The following PUDP variants were observed in gnomAD, a reference collection of about 807,000 sequenced individuals.
PUDP encodes the protein pseudouridine 5'-phosphatase.
In PUDP, 8 loss-of-function variants were observed where a neutral mutation model predicts 9.4. The ratio of observed to expected loss-of-function variants is 0.85; its 90% CI spans 0.50 to 1.53. The LOEUF (loss-of-function observed/expected upper bound fraction) is 1.53, where lower values mean the gene tolerates loss of function less well. Among genes scored for constraint, PUDP ranks in the 40% most tolerant of loss-of-function variants. The pLI is 0.00. For synonymous variants in PUDP, 99 were observed against 80.7 expected, an observed-to-expected ratio of 1.23 and a Z score of -1.22; for missense variants, 188 against 189.7, an observed-to-expected ratio of 0.99 and a Z score of 0.05.
At chrX:6,842,074 ACG>A (rs1241226941) in intron 3 of PUDP, among the ~76,000 whole-genome samples, 1 of 111,859 alleles carries the variant, frequency 8.9e-6, no homozygotes, top group Non-Finnish European at 1.9e-5. Context: ...TGGAAGAGAC[ACG>A]ATAGGACATT....
intron 3 of PUDP, among the ~76,000 whole-genome samples, chrX:6,826,206 T>A (rs920869747): frequency 3.6e-5 from 4 of 112,198 alleles, no homozygotes; most frequent in Non-Finnish European, 7.5e-5. Flanking sequence ...ATTTTCTAAG[T>A]ATTTTTAAAT....
chrX:7,100,836 G>C (rs1034268757), intron 2 of PUDP, among the ~76,000 whole-genome samples: 1 of 112,167 alleles, frequency 8.9e-6, no homozygotes, highest in African/African-American at 3.2e-5. Context: ...ACACATTTCT[G>C]GATTGGAATT....
At chrX:6,949,031 T>A (rs1030599728) in intron 3 of PUDP, among the ~76,000 whole-genome samples, 22 of 112,288 alleles carry the variant, frequency 2.0e-4, no homozygotes, top group Non-Finnish European at 3.8e-4. Flanking sequence ...TCAGAGATGG[T>A]GACACATTAG....
chrX:7,014,102 C>T (rs1929515469), intron 1 of PUDP, among the ~76,000 whole-genome samples: 1 of 110,474 alleles, frequency 9.1e-6, no homozygotes, highest in African/African-American at 3.3e-5. Context: ...CCTCTGACCA[C>T]CCCCAGTTTA....
intron 3 of PUDP, among the ~76,000 whole-genome samples, chrX:6,734,247 C>G (rs748958884): frequency 6.4e-4 from 71 of 111,529 alleles, no homozygotes; most frequent in African/African-American, 2.1e-3. Context: ...TTCAGCTAGA[C>G]AGGAGGAATA....
chrX:7,010,497 A>G (rs148573213), intron 1 of PUDP, among the ~76,000 whole-genome samples: 1 of 112,044 alleles, frequency 8.9e-6, no homozygotes, highest in Admixed American at 9.5e-5. Flanking sequence ...CTGGTCTGTC[A>G]GCAGATGTGC....
At chrX:6,816,737 C>T (rs1445011949) in intron 3 of PUDP, among the ~76,000 whole-genome samples, 1 of 95,578 alleles carries the variant, frequency 1.0e-5, no homozygotes, top group African/African-American at 3.8e-5. Flanking sequence ...TATATACACA[C>T]ATAGTATATA....
chrX:6,783,142 C>A (rs1292840028), intron 3 of PUDP, among the ~76,000 whole-genome samples: 2 of 111,518 alleles, frequency 1.8e-5, no homozygotes, highest in African/African-American at 6.5e-5. Context: ...TTGGGAGTGT[C>A]CAATATCCCT....
chrX:6,724,501 CAA>C (rs1170392595), upstream of PUDP, among the ~76,000 whole-genome samples: 9 of 45,441 alleles, frequency 2.0e-4, no homozygotes, highest in Admixed American at 2.9e-4. Flanking sequence ...ATTCTCTCTC[CAA>C]AAAAAAAAAA....
At chrX:6,825,174 G>A (rs1926405523) in intron 3 of PUDP, among the ~76,000 whole-genome samples, 3 of 111,447 alleles carry the variant, frequency 2.7e-5, no homozygotes, top group Admixed American at 9.6e-5. Context: ...TGCACATAAC[G>A]TTTTAGGATC....
chrX:7,020,475 A>G (rs1162711329), intron 1 of PUDP, among the ~76,000 whole-genome samples: 7 of 110,722 alleles, frequency 6.3e-5, no homozygotes, highest in Non-Finnish European at 1.3e-4. Flanking sequence ...TGGCTGCTCA[A>G]ACTTATTATC....
At chrX:7,036,536 A>G (rs1379814203) in intron 1 of PUDP, among the ~76,000 whole-genome samples, 1 of 99,715 alleles carries the variant, frequency 1.0e-5, no homozygotes, top group Non-Finnish European at 2.0e-5. Flanking sequence ...ACCCCCTCCC[A>G]TCCCCCTCTT....
chrX:6,803,060 T>TATAAA (rs374121914), intron 3 of PUDP, among the ~76,000 whole-genome samples: 1,641 of 7,551 alleles, frequency 0.22, 129 homozygotes, highest in Middle Eastern at 0.4. Context: ...TAAAATAAAA[T>TATAAA]ATAAAATAAA....
intron 3 of PUDP, among the ~76,000 whole-genome samples, chrX:6,777,644 T>C (rs1329233999): frequency 8.9e-6 from 1 of 112,231 alleles, no homozygotes; most frequent in Non-Finnish European, 1.9e-5. Flanking sequence ...ATGTGCCGAT[T>C]CCATTGCATC....
intron 3 of PUDP, among the ~76,000 whole-genome samples, chrX:6,813,514 T>C (rs748240487): frequency 1.8e-5 from 2 of 111,567 alleles, no homozygotes; most frequent in Non-Finnish European, 3.8e-5. Context: ...GCCAGTCTAA[T>C]AAAATGTGTA....
At chrX:6,712,575 G>A (rs1477016722) in intron 1 of PUDP, among the ~76,000 whole-genome samples, 2 of 111,973 alleles carry the variant, frequency 1.8e-5, no homozygotes, top group Non-Finnish European at 3.8e-5. Context: ...AAGATGAAGC[G>A]GTTCAATGAT....
intron 1 of PUDP, among the ~76,000 whole-genome samples, chrX:7,115,458 T>C (rs1932168011): frequency 8.9e-6 from 1 of 112,360 alleles, no homozygotes; most frequent in African/African-American, 3.2e-5. Context: ...ATGAAAGATA[T>C]TGGAAAATAA....
In PUDP at chrX:6,833,985, C is replaced by A. The variant is rs150116141; in HGVS notation, c.*248-127519G>T. On this transcript the variant is annotated intron_variant and NMD_transcript_variant, in intron 3 of 3. Transcript: ENST00000655425. ...GGGCAAATGAAAATCAAATCCCAAACTGAAAATATGTGTGTCCTATAATTG... is the reference window on the plus strand; with the variant it reads ...GGGCAAATGAAAATCAAATCCCAAAATGAAAATATGTGTGTCCTATAATTG... Among the ~76,000 whole-genome samples the A allele has an allele frequency of 6.5e-3, 731 of 111,774 alleles. 7 individuals carry two copies. Among genetic ancestry groups the A allele is most frequent in the African/African-American group, 0.022 (688 of 30,806 alleles).
intron 3 of PUDP, among the ~76,000 whole-genome samples, chrX:6,930,278 G>A (rs1266262077): frequency 2.7e-5 from 3 of 111,340 alleles, no homozygotes; most frequent in Middle Eastern, 4.6e-3. Context: ...GATGAGACAG[G>A]AGGTCAGCAG....
Sources: gnomAD v4.1 joint callset for allele counts (sites outside exome capture counted in the v4.1 genomes callset) on GRCh38, gnomAD v4.1.1 for gene constraint, MANE v1.5 for transcripts, NCBI Gene and HGNC (gene_info 2026-07-23, HGNC 2026-07-21) for gene names.